Variants in DZANK1 observed in about 807,000 individuals in gnomAD.
The protein encoded by DZANK1 is double zinc ribbon and ankyrin repeat-containing protein 1.
DZANK1 carries 91 observed loss-of-function variants against 94.5 expected under a neutral mutation model. That is an observed-to-expected ratio of 0.96 (90% CI 0.81 to 1.15). The LOEUF (loss-of-function observed/expected upper bound fraction) is 1.15, where lower values mean the gene tolerates loss of function less well. Ranked by LOEUF, DZANK1 falls within the 50% of genes most tolerant of loss-of-function variation. The pLI is 0.00. For synonymous variants in DZANK1, 312 were observed against 325.3 expected, an observed-to-expected ratio of 0.96 and a Z score of 0.44; for missense variants, 903 against 916.4, an observed-to-expected ratio of 0.99 and a Z score of 0.19.
intron 17 of DZANK1, 54 bp downstream of exon 17, chr20:18,393,657 C>A: frequency 1.6e-6 from 2 of 1,215,358 alleles, no homozygotes; most frequent in Non-Finnish European, 2.4e-6. Flanking sequence ...AAAATAAAAC[C>A]TGAAAATCAC....
rs1205323215 is a variant in DZANK1, at chr20:18,432,681, A to G, written c.861+971T>C. The G allele has an allele frequency of 2.0e-5, 3 of 152,352 alleles. No homozygotes were observed. The East Asian group carries it at 5.8e-4, about 29-fold the overall frequency. 9.4% of individuals were successfully genotyped at this position (152,352 alleles called of 1,614,324 possible). On this transcript the variant is annotated intron_variant, in intron 9 of 20. Coordinates refer to ENST00000262547, the Ensembl canonical transcript of DZANK1. ...ATTTTAGGAGTGTTATGGCCTGTAC[A>G]TAATGCCATGCATTTCCCTTATTGC...
intron 4 of DZANK1, chr20:18,454,127 G>C (rs1601149561): frequency 4.5e-6 from 2 of 447,360 alleles, no homozygotes; most frequent in Non-Finnish European, 8.6e-6. Flanking sequence ...TAACAACAGA[G>C]GGACCACCAA....
chr20:18,455,433 G>T, intron 3 of DZANK1, 72 bp from the exon 4 acceptor site: 1 of 1,037,128 alleles, frequency 9.6e-7, no homozygotes, highest in South Asian at 1.5e-5. Flanking sequence ...CTAACAAGAT[G>T]ATTTTATTAA....
chr20:18,384,712 A>C, intron 20 of DZANK1, 148 bp from the exon 21 acceptor site: 1 of 852,638 alleles, frequency 1.2e-6, no homozygotes. Flanking sequence ...CAGTGACTTC[A>C]GTTCTCAGAG....
chr20:18,387,689 G>A (rs2048589664), intron 19 of DZANK1, among the ~76,000 whole-genome samples: 1 of 152,218 alleles, frequency 6.6e-6, no homozygotes, highest in African/African-American at 2.4e-5. Context: ...AGCTTTGGTG[G>A]AGGATGTGAA....
In DZANK1 at chr20:18,455,903, G is replaced by A. The variant is rs1006830431; in HGVS notation, c.264-542C>T. On this transcript the variant is annotated intron_variant, in intron 3 of 20. Coordinates refer to ENST00000262547, the Ensembl canonical transcript of DZANK1. Reference sequence around the variant, plus strand: ...TAGTACCTGACTACCCCAATCCCCTGCCAGTGTTTTTGTCCCAAGAAACCA... The same window carrying A: ...TAGTACCTGACTACCCCAATCCCCTACCAGTGTTTTTGTCCCAAGAAACCA... 2.0e-5 allele frequency among the ~76,000 whole-genome samples: 3 copies of A among 152,140 alleles called. No homozygotes were observed. In the East Asian group the frequency reaches 5.8e-4, roughly 29 times the overall value.
chr20:18,427,606 G>GGGGTGT (rs112783791), intron 9 of DZANK1, among the ~76,000 whole-genome samples: 4,400 of 148,766 alleles, frequency 0.03, 214 homozygotes, highest in African/African-American at 0.1. Flanking sequence ...TGTAAGGTTG[G>GGGGTGT]GTGTGTGTGT....
At chr20:18,398,210 G>T (rs998470602) in intron 14 of DZANK1, 2 of 345,112 alleles carry the variant, frequency 5.8e-6, no homozygotes, top group Non-Finnish European at 5.5e-6. Flanking sequence ...TTAAGTGCAC[G>T]ATCTGGATGG....
Position 18,384,499 on chromosome 20 carries a change from G to A in DZANK1, c.2159C>T (p.Thr720Ile). 1 of 1,612,170 alleles carries A rather than the reference G, an allele frequency of 6.2e-7. No individual in the cohort carries two copies. Among genetic ancestry groups the A allele is most frequent in the Non-Finnish European group, 8.5e-7 (1 of 1,179,218 alleles). Reference sequence around the variant, plus strand: ...GAGTGAGGTGACAAGGTCATCTCCAGTGTTCAGAGCCAGGTCGTATGCTGT... The same window carrying A: ...GAGTGAGGTGACAAGGTCATCTCCAATGTTCAGAGCCAGGTCGTATGCTGT... Residue 720 changes from threonine to isoleucine, a missense_variant, in exon 21 of 21, where the codon ACT (threonine) becomes ATT (isoleucine). Coordinates refer to ENST00000262547, the Ensembl canonical transcript of DZANK1.
intron 3 of DZANK1, among the ~76,000 whole-genome samples, chr20:18,458,304 G>GT (rs1183962306): frequency 1.3e-5 from 2 of 151,928 alleles, no homozygotes; most frequent in East Asian, 3.9e-4. Flanking sequence ...TGGTTTTGTT[G>GT]TTTTTTTTAA....
intron 13 of DZANK1, among the ~76,000 whole-genome samples, chr20:18,399,605 A>G (rs1228103438): frequency 6.6e-6 from 1 of 152,246 alleles, no homozygotes; most frequent in Non-Finnish European, 1.5e-5. Context: ...AAACATTTCC[A>G]TCACTCTAAA....
intron 5 of DZANK1, among the ~76,000 whole-genome samples, chr20:18,453,304 A>G (rs889505137): frequency 6.6e-6 from 1 of 152,170 alleles, no homozygotes; most frequent in Non-Finnish European, 1.5e-5. Context: ...TGTAGTTTCC[A>G]AGGCAACAGA....
intron 10 of DZANK1, among the ~76,000 whole-genome samples, chr20:18,423,386 T>A (rs1373650968): frequency 6.6e-6 from 1 of 152,246 alleles, no homozygotes; most frequent in African/African-American, 2.4e-5. Flanking sequence ...TCACTTCCTA[T>A]AGTTGGAGCT....
chr20:18,395,986 T>C (rs1195770650), intron 15 of DZANK1, among the ~76,000 whole-genome samples: 2 of 152,202 alleles, frequency 1.3e-5, no homozygotes, highest in Non-Finnish European at 2.9e-5. Context: ...GCTTCTCAAT[T>C]GATTGATTAA....
chr20:18,434,047 C>A, intron 8 of DZANK1: 1 of 301,458 alleles, frequency 3.3e-6, no homozygotes, highest in South Asian at 8.8e-5. Flanking sequence ...ACACTATGTA[C>A]CCCATAAATA....
In DZANK1 at chr20:18,433,780, G is replaced by C. The variant is rs374719334; in HGVS notation, c.748-15C>G. The C allele has an allele frequency of 2.9e-4, 468 of 1,608,860 alleles. No individual in the cohort carries two copies. Among genetic ancestry groups the C allele is most frequent in the Non-Finnish European group, 3.9e-4 (453 of 1,175,390 alleles). On this transcript the variant is annotated splice_polypyrimidine_tract_variant and intron_variant, in intron 8 of 20. Coordinates refer to ENST00000262547, the Ensembl canonical transcript of DZANK1. ...CACAAGCCCATCTGCACAAGGAAAAGGTCTGGTTTATCTTGCACATAAAAA... is the reference window on the plus strand; with the variant it reads ...CACAAGCCCATCTGCACAAGGAAAACGTCTGGTTTATCTTGCACATAAAAA...
chr20:18,394,129 C>T (rs1387211679), intron 16 of DZANK1, 125 bp downstream of exon 16: 18 of 809,640 alleles, frequency 2.2e-5, no homozygotes, highest in African/African-American at 1.5e-4. Context: ...AGAAATAAAA[C>T]GTCTGGAACA....
At chr20:18,423,815 A>C (rs1231012309) in intron 10 of DZANK1, among the ~76,000 whole-genome samples, 4 of 152,174 alleles carry the variant, frequency 2.6e-5, no homozygotes, top group Non-Finnish European at 4.4e-5. Context: ...AGAAATTTAT[A>C]GTTTGTGTTA....
intron 2 of DZANK1, among the ~76,000 whole-genome samples, chr20:18,464,538 G>T (rs748655151): frequency 6.6e-6 from 1 of 152,104 alleles, no homozygotes; most frequent in Non-Finnish European, 1.5e-5. Context: ...TGTACCCAAG[G>T]TCACTAGAAG....
Sources: gnomAD v4.1 joint callset for allele counts (sites outside exome capture counted in the v4.1 genomes callset) on GRCh38, gnomAD v4.1.1 for gene constraint, MANE v1.5 for transcripts, NCBI Gene and HGNC (gene_info 2026-07-23, HGNC 2026-07-21) for gene names.